The following RNLS variants were observed in gnomAD, a reference collection of about 807,000 sequenced individuals.
The protein encoded by RNLS is renalase, FAD dependent amine oxidase, also known as renalase.
A neutral mutation model predicts 39.8 loss-of-function variants in RNLS; 39 were observed. That is an observed-to-expected ratio of 0.98 (90% CI 0.76 to 1.28). The LOEUF (loss-of-function observed/expected upper bound fraction) is 1.28. RNLS is among the 50% of genes most tolerant of loss of function. The pLI is 0.00. For missense variants in RNLS, 410 were observed against 413.3 expected (o/e 0.99, Z 0.07); for synonymous variants, 147 against 150.7 (o/e 0.98, Z 0.18).
the RNLS span, among the ~76,000 whole-genome samples, chr10:88,227,290 C>T: frequency 6.6e-6 from 1 of 152,074 alleles, no homozygotes; most frequent in Non-Finnish European, 1.5e-5. Context: ...GGTTTTAATC[C>T]AAGCATTCAC....
At chr10:88,266,738 C>A in the RNLS span, among the ~76,000 whole-genome samples, 40 of 147,400 alleles carry the variant, frequency 2.7e-4, no homozygotes, top group East Asian at 8.0e-4. Flanking sequence ...CACACACACC[C>A]CACACACACC....
At chr10:88,366,842 G>A (rs1850152205) in intron 4 of RNLS, among the ~76,000 whole-genome samples, 1 of 151,510 alleles carries the variant, frequency 6.6e-6, no homozygotes, top group Non-Finnish European at 1.5e-5. Flanking sequence ...ATGTTTCCTT[G>A]TTCCCGCTCA....
intron 4 of RNLS, among the ~76,000 whole-genome samples, chr10:88,373,016 A>G (rs1335708354): frequency 6.6e-6 from 1 of 152,038 alleles, no homozygotes; most frequent in Non-Finnish European, 1.5e-5. Context: ...GTCACAGAAT[A>G]TCATACATAT....
intron 3 of RNLS, among the ~76,000 whole-genome samples, chr10:88,574,518 T>A (rs1200277386): frequency 1.3e-5 from 2 of 152,254 alleles, no homozygotes; most frequent in African/African-American, 4.8e-5. Context: ...TTTAGTTGTA[T>A]CTTATCTATG....
intron 5 of RNLS, among the ~76,000 whole-genome samples, chr10:88,355,743 A>C (rs2133325553): frequency 6.6e-6 from 1 of 152,316 alleles, no homozygotes; most frequent in East Asian, 1.9e-4. Flanking sequence ...CAAAGCTGTC[A>C]GGCAGGGACA....
At chr10:88,286,087 G>A (rs1323380368) in intron 6 of RNLS, among the ~76,000 whole-genome samples, 8 of 152,042 alleles carry the variant, frequency 5.3e-5, no homozygotes, top group Non-Finnish European at 8.8e-5. Context: ...AGAAATTTCT[G>A]TTTATCAGCC....
intron 4 of RNLS, among the ~76,000 whole-genome samples, chr10:88,507,174 A>G (rs1383836669): frequency 6.6e-6 from 1 of 152,174 alleles, no homozygotes; most frequent in Non-Finnish European, 1.5e-5. Flanking sequence ...TTTACTGTTA[A>G]CCATCAGTCA....
At chr10:88,485,802 G>A (rs926312917) in intron 4 of RNLS, among the ~76,000 whole-genome samples, 1 of 151,906 alleles carries the variant, frequency 6.6e-6, no homozygotes, top group African/African-American at 2.4e-5. Flanking sequence ...TAAAGAAAGA[G>A]ACATTAATTT....
chr10:88,383,969 GA>G (rs1198952214), intron 4 of RNLS, among the ~76,000 whole-genome samples: 2 of 152,080 alleles, frequency 1.3e-5, no homozygotes, highest in African/African-American at 4.8e-5. Flanking sequence ...CACAATAAAA[GA>G]ATTCAATTTT....
At chr10:88,504,719 G>A (rs1037877951) in intron 4 of RNLS, among the ~76,000 whole-genome samples, 3 of 151,908 alleles carry the variant, frequency 2.0e-5, no homozygotes, top group South Asian at 2.1e-4. Context: ...TACTAAATTC[G>A]AAGAACAATA....
the RNLS span, among the ~76,000 whole-genome samples, chr10:88,183,512 G>A: frequency 4.6e-5 from 7 of 152,042 alleles, no homozygotes; most frequent in African/African-American, 9.7e-5. Flanking sequence ...TTAAAGTGTC[G>A]TTTGAACTGA....
Position 88,310,199 on chromosome 10 carries a change from C to T in RNLS, c.876+4267G>A, listed in dbSNP as rs1290652692. ...CTGCACTCCAGCCTGGGTGATAAAG[C>T]GAGACCCTGTCTCAAAAAATGTATG... is the stretch of plus-strand genomic sequence containing the variant. On this transcript the variant is annotated intron_variant, in intron 6 of 6. Transcript: ENST00000331772. Among the ~76,000 whole-genome samples, 7 of 151,832 alleles carry T rather than the reference C, an allele frequency of 4.6e-5. No homozygotes were observed. In the East Asian group the frequency reaches 5.8e-4, roughly 13 times the overall value.
At chr10:88,392,313 T>C (rs1453676558) in intron 4 of RNLS, among the ~76,000 whole-genome samples, 1 of 152,184 alleles carries the variant, frequency 6.6e-6, no homozygotes, top group East Asian at 1.9e-4. Context: ...CAAGTTCATG[T>C]GTAGGGATGT....
In RNLS at chr10:88,490,087, A is replaced by G. The variant is rs985267328; in HGVS notation, c.526+82816T>C. Among the ~76,000 whole-genome samples, 3 of 152,164 alleles carry G rather than the reference A, an allele frequency of 2.0e-5. No individual in the cohort carries two copies. In the East Asian group the frequency reaches 5.8e-4, roughly 29 times the overall value. ...TTTTGGCTAGGTCTTACAGGGAAAA[A>G]ATATGCTGTAAAATGCTAATTTCAA... On this transcript the variant is annotated intron_variant, in intron 4 of 6. Transcript: ENST00000331772.
intron 6 of RNLS, among the ~76,000 whole-genome samples, chr10:88,292,770 G>A (rs55920835): frequency 0.054 from 8,164 of 152,012 alleles, 285 homozygotes; most frequent in African/African-American, 0.093. Context: ...TCGGCCAAGC[G>A]TGGTGGCTCA....
At chr10:88,469,726 A>G (rs1313836844) in intron 4 of RNLS, among the ~76,000 whole-genome samples, 1 of 151,472 alleles carries the variant, frequency 6.6e-6, no homozygotes, top group Non-Finnish European at 1.5e-5. Flanking sequence ...ACCTGCTAGC[A>G]TCTCTGCTTA....
chr10:88,567,990 C>T (rs1163295567), intron 4 of RNLS, among the ~76,000 whole-genome samples: 1 of 152,172 alleles, frequency 6.6e-6, no homozygotes, highest in South Asian at 2.1e-4. Context: ...GCCCTGAAGC[C>T]TTGTCCACCA....
intron 4 of RNLS, among the ~76,000 whole-genome samples, chr10:88,432,504 T>C (rs577189158): frequency 4.0e-4 from 61 of 152,014 alleles, no homozygotes; most frequent in African/African-American, 1.4e-3. Context: ...ACTATCACTA[T>C]TTGTTTTCTA....
At chr10:88,298,569 G>T (rs976621306) in intron 6 of RNLS, among the ~76,000 whole-genome samples, 1 of 152,138 alleles carries the variant, frequency 6.6e-6, no homozygotes, top group Admixed American at 6.5e-5. Flanking sequence ...AGTTGTTCCT[G>T]CACTATATAA....
Sources: allele counts gnomAD v4.1 joint callset (sites outside exome capture counted in the v4.1 genomes callset), GRCh38; gene constraint gnomAD v4.1.1; transcripts MANE v1.5; gene names NCBI Gene and HGNC (gene_info 2026-07-23, HGNC 2026-07-21).